Variants in BBS1 observed in about 807,000 individuals in gnomAD.
BBS1 encodes Bardet-Biedl syndrome 1, also known as BBSome complex member BBS1.
BBS1 carries 60 observed loss-of-function variants against 73.9 expected under a neutral mutation model. The observed-to-expected ratio is 0.81, with a 90% CI of 0.66 to 1.01. BBS1 has a LOEUF of 1.01. BBS1 is among the 50% of genes least tolerant of loss of function. The pLI is 0.00. For missense variants in BBS1, 718 were observed against 770.3 expected, an observed-to-expected ratio of 0.93 and a Z score of 0.80; for synonymous variants, 283 against 317.4, an observed-to-expected ratio of 0.89 and a Z score of 1.15.
chr11:66,526,873 G>A (rs1170961682), intron 13 of BBS1, 66 bp downstream of exon 13: 3 of 1,613,128 alleles, frequency 1.9e-6, no homozygotes, highest in African/African-American at 2.7e-5. Flanking sequence ...AAAGCTGGGG[G>A]AATGCTGCCC....
chr11:66,531,592 C>T, intron 15 of BBS1, 64 bp from the exon 16 acceptor site: 1 of 1,606,642 alleles, frequency 6.2e-7, no homozygotes, highest in Non-Finnish European at 8.5e-7. Context: ...GGCCTGAATG[C>T]ACTGGAATAT....
At chr11:66,525,433 GTGCA>G (rs1856447884) in intron 11 of BBS1, among the ~76,000 whole-genome samples, 2 of 151,894 alleles carry the variant, frequency 1.3e-5, no homozygotes, top group Admixed American at 1.3e-4. Context: ...AAGCATGGTG[GTGCA>G]TGCCTATAAT....
intron 13 of BBS1, among the ~76,000 whole-genome samples, chr11:66,528,784 C>T (rs1856625399): frequency 6.6e-6 from 1 of 152,018 alleles, no homozygotes; most frequent in Non-Finnish European, 1.5e-5. Flanking sequence ...GCCTGACCAA[C>T]ATGGTGAAAC....
At chr11:66,529,485 T>C (rs557410895) in intron 13 of BBS1, 1 of 736,694 alleles carries the variant, frequency 1.4e-6, no homozygotes, top group Admixed American at 2.0e-5. Flanking sequence ...AGGACATGGA[T>C]TGTCTGGGGG....
At chr11:66,521,945 G>T (rs1423011524) in intron 9 of BBS1, among the ~76,000 whole-genome samples, 1 of 144,300 alleles carries the variant, frequency 6.9e-6, no homozygotes, top group South Asian at 2.2e-4. Flanking sequence ...GGTGCCGGGT[G>T]CATTGCCTCA....
chr11:66,523,179 T>C (rs1856316517), intron 9 of BBS1: 1 of 574,860 alleles, frequency 1.7e-6, no homozygotes, highest in South Asian at 1.5e-5. Context: ...TAGATGATCA[T>C]ACAAGCCACC....
At position 66,531,704 on chromosome 11, in the gene BBS1, G is replaced by T. The variant is rs1856788934; in HGVS notation, c.1657G>T (p.Glu553Ter). The T allele has an allele frequency of 6.2e-7, 1 of 1,614,112 alleles. No homozygotes were observed. Among genetic ancestry groups the T allele is most frequent in the African/African-American group, 1.3e-5 (1 of 75,024 alleles). Residue 553 changes from glutamate (E) to a stop codon, truncating the protein, a stop_gained, in exon 16 of 17, where the codon GAG (glutamate) becomes TAG (stop). Coordinates refer to ENST00000318312, the MANE Select transcript of BBS1 (RefSeq NM_024649.5). LOFTEE classifies it high-confidence loss of function. ...GLNYPLETFV[E>*]SLSNKGISDI... ...CAACTACCCCCTGGAGACCTTTGTG[G>T]AGAGTCTCAGTAACAAGGGCATCTC...
chr11:66,518,978 G>T (rs981416215), intron 7 of BBS1, among the ~76,000 whole-genome samples: 1 of 152,106 alleles, frequency 6.6e-6, no homozygotes, highest in Admixed American at 6.5e-5. Context: ...GCCCAAGCTG[G>T]TCTTGGACTC....
chr11:66,523,823 G>A lies in BBS1; in HGVS notation c.1051G>A (p.Ala351Thr). Residue 351 changes from alanine (A) to threonine (T), a missense_variant, in exon 11 of 17, where the codon GCC (alanine) becomes ACC (threonine). Ala to Thr is a moderately conservative substitution (Grantham distance 58, BLOSUM62 0). Coordinates refer to ENST00000318312, the MANE Select transcript of BBS1 (RefSeq NM_024649.5). Reference protein sequence around the residue: ...RGLQAVMAGLANGEVRIYRDK... With the variant: ...RGLQAVMAGLTNGEVRIYRDK... ...CCTGCAGGCCGTCATGGCTGGGCTG[G>A]CCAATGGAGAGGTCCGCATTTATCG... 6.2e-7 allele frequency: 1 copy of A among 1,613,614 alleles called. No homozygotes were observed. The highest frequency in any genetic ancestry group is 8.5e-7 in the Non-Finnish European group (1 of 1,180,044).
At chr11:66,510,853 ATGT>A in intron 1 of BBS1, 147 bp downstream of exon 1, 1 of 1,372,972 alleles carries the variant, frequency 7.3e-7, no homozygotes, top group Non-Finnish European at 1.0e-6. Context: ...AGATGTGCAT[ATGT>A]GTGTCTGGAG....
At chr11:66,525,893 C>G (rs893665187) in intron 11 of BBS1, among the ~76,000 whole-genome samples, 1 of 152,054 alleles carries the variant, frequency 6.6e-6, no homozygotes, top group Non-Finnish European at 1.5e-5. Flanking sequence ...TCTGGGAGAT[C>G]TATTAGGAGG....
chr11:66,526,548 C>T (rs1856501886), intron 12 of BBS1, 101 bp from the exon 13 acceptor site: 2 of 1,482,588 alleles, frequency 1.3e-6, no homozygotes, highest in Non-Finnish European at 1.9e-6. Context: ...CGGATGTGTA[C>T]AGAAGCAACT....
intron 16 of BBS1, 81 bp downstream of exon 16, chr11:66,531,823 AG>A: frequency 7.1e-7 from 1 of 1,409,680 alleles, no homozygotes; most frequent in Non-Finnish European, 9.9e-7. Flanking sequence ...CAAAGACCTT[AG>A]GGGGCTCCTG....
At position 66,511,053 on chromosome 11, in the gene BBS1, C is replaced by A. The variant is rs368510687; in HGVS notation, c.88C>A (p.Pro30Thr). 19 of 1,614,052 alleles carry A rather than the reference C, an allele frequency of 1.2e-5. No individual in the cohort carries two copies. The highest frequency in any genetic ancestry group is 1.5e-5 in the Non-Finnish European group (18 of 1,180,040). The change falls in exon 2 of 17, where the codon CCA becomes ACA. Residue 30 changes from proline to threonine, a missense_variant. Transcript: ENST00000318312. ...GAAGTGGTTGGATGCGCACTACGAC[C>A]CAATGGCCAATATCCACACCTTTTC... ...NSKWLDAHYD[P>T]MANIHTFSAC...
intron 5 of BBS1, 46 bp downstream of exon 5, chr11:66,515,632 C>T (rs1856033563): frequency 2.5e-6 from 4 of 1,614,054 alleles, no homozygotes; most frequent in Non-Finnish European, 1.7e-6. Flanking sequence ...TCCTTCATCC[C>T]ATCTGAGCCC....
chr11:66,531,514 G>A, intron 15 of BBS1, 142 bp from the exon 16 acceptor site: 1 of 1,088,432 alleles, frequency 9.2e-7, no homozygotes, highest in Non-Finnish European at 1.4e-6. Flanking sequence ...CACCACACCT[G>A]CATCCTCCTC....
intron 11 of BBS1, 45 bp from the exon 12 acceptor site, chr11:66,526,078 C>T (rs781649752): frequency 2.5e-6 from 4 of 1,595,684 alleles, no homozygotes; most frequent in Non-Finnish European, 3.4e-6. Flanking sequence ...TCTTGCTTTC[C>T]TCTCCAAGAT....
chr11:66,514,153 T>TA (rs1856002863), intron 3 of BBS1, among the ~76,000 whole-genome samples: 1 of 152,222 alleles, frequency 6.6e-6, no homozygotes, highest in South Asian at 2.1e-4. Context: ...CAGTAGCACT[T>TA]ACCAGGTTCT....
intron 9 of BBS1, among the ~76,000 whole-genome samples, chr11:66,521,957 G>A (rs1019436359): frequency 3.6e-5 from 5 of 139,948 alleles, no homozygotes; most frequent in African/African-American, 8.0e-5. Context: ...ATTGCCTCAC[G>A]CCTGTAATCC....
Sources: gnomAD v4.1 joint callset for allele counts (sites outside exome capture counted in the v4.1 genomes callset) on GRCh38, gnomAD v4.1.1 for gene constraint, MANE v1.5 for transcripts, NCBI Gene and HGNC (gene_info 2026-07-23, HGNC 2026-07-21) for gene names.